The following PTPRD variants were observed in gnomAD, a reference collection of about 807,000 sequenced individuals.
PTPRD encodes receptor-type tyrosine-protein phosphatase delta.
PTPRD carries 34 observed loss-of-function variants against 214.5 expected under a neutral mutation model. The observed-to-expected ratio is 0.16, with a 90% CI of 0.12 to 0.21. The LOEUF (loss-of-function observed/expected upper bound fraction) is 0.21. Among genes scored for constraint, PTPRD ranks in the 10% least tolerant of loss-of-function variants. The probability of loss-of-function intolerance (pLI) is 1.00; values close to 1 mark genes in which losing one functional copy is unlikely to be tolerated. For synonymous variants in PTPRD, 1,128 were observed against 845.7 expected (o/e 1.33, Z -5.79); for missense variants, 2,545 against 2,398.7 (o/e 1.06, Z -1.27).
intron 22 of PTPRD, among the ~76,000 whole-genome samples, chr9:8,505,413 G>A (rs921082841): frequency 6.6e-6 from 1 of 152,078 alleles, no homozygotes; most frequent in South Asian, 2.1e-4. Context: ...ATGAGGTCAG[G>A]AGATCGAGAC....
intron 11 of PTPRD, among the ~76,000 whole-genome samples, chr9:8,785,545 C>A (rs1417981449): frequency 6.6e-6 from 1 of 152,192 alleles, no homozygotes; most frequent in Non-Finnish European, 1.5e-5. Flanking sequence ...TCCTGCCAGC[C>A]CCTCTGCCTC....
chr9:9,612,926 T>G (rs1323761275), intron 7 of PTPRD, among the ~76,000 whole-genome samples: 1 of 151,722 alleles, frequency 6.6e-6, no homozygotes, highest in Non-Finnish European at 1.5e-5. Flanking sequence ...GGTATTTACA[T>G]GGCCAGTTCT....
At chr9:9,902,414 C>T (rs1159759186) in intron 5 of PTPRD, among the ~76,000 whole-genome samples, 2 of 152,036 alleles carry the variant, frequency 1.3e-5, no homozygotes, top group East Asian at 3.9e-4. Context: ...CTTTTTCTGC[C>T]GGTGCTCTAC....
chr9:10,304,055 C>T (rs1231407962), intron 3 of PTPRD, among the ~76,000 whole-genome samples: 2 of 152,166 alleles, frequency 1.3e-5, no homozygotes, highest in Admixed American at 6.5e-5. Context: ...CATCAAAACG[C>T]TCATCCACCA....
chr9:10,353,687 T>C (rs867254879), intron 2 of PTPRD, among the ~76,000 whole-genome samples: 6 of 151,916 alleles, frequency 3.9e-5, no homozygotes, highest in African/African-American at 1.4e-4. Context: ...CCTCACAAAA[T>C]GAGAGCAAGC....
chr9:10,215,145 ATT>A (rs2099535541), intron 3 of PTPRD, among the ~76,000 whole-genome samples: 1 of 152,062 alleles, frequency 6.6e-6, no homozygotes, highest in Non-Finnish European at 1.5e-5. Flanking sequence ...ATCGACAAAA[ATT>A]ATGAAACAGA....
At chr9:9,438,969 G>A (rs2086415070) in intron 8 of PTPRD, among the ~76,000 whole-genome samples, 1 of 152,110 alleles carries the variant, frequency 6.6e-6, no homozygotes, top group African/African-American at 2.4e-5. Flanking sequence ...TGTTAATATG[G>A]AACTAAGTCA....
chr9:8,507,453 T>A lies in PTPRD; in HGVS notation c.1544-19A>T. 1 of 1,613,466 alleles carries A rather than the reference T, an allele frequency of 6.2e-7. No individual in the cohort carries two copies. Among genetic ancestry groups the A allele is most frequent in the Non-Finnish European group, 8.5e-7 (1 of 1,179,528 alleles). ...CCTGGTACTAAAAACAGGGAGGCAA[T>A]GGATTGAACTCACAATCACCAGGAG... On this transcript the variant is annotated intron_variant, in intron 21 of 45. Transcript: ENST00000381196.
intron 3 of PTPRD, among the ~76,000 whole-genome samples, chr9:10,082,640 A>G (rs2098259257): frequency 6.6e-6 from 1 of 151,962 alleles, no homozygotes; most frequent in Non-Finnish European, 1.5e-5. Context: ...CCAAAAAGTA[A>G]CTCAAAAATG....
chr9:9,109,508 G>A (rs572058526), intron 10 of PTPRD, among the ~76,000 whole-genome samples: 124 of 152,212 alleles, frequency 8.1e-4, no homozygotes, highest in African/African-American at 2.5e-3. Flanking sequence ...ATAAGAAAAT[G>A]TACCCAAAGC....
At chr9:8,618,906 GTTTTTTTGTTTTT>G (rs1287148306) in intron 14 of PTPRD, among the ~76,000 whole-genome samples, 10 of 96,776 alleles carry the variant, frequency 1.0e-4, no homozygotes, top group African/African-American at 3.5e-4. Flanking sequence ...GTTTGTCTGT[GTTTTTTTGTTTTT>G]TTTTTTTTTT....
rs10958879 is a variant in PTPRD at position 10,082,840 on chromosome 9, A to C, written c.-544-49050T>G. On this transcript the variant is annotated intron_variant, in intron 3 of 45. Transcript: ENST00000381196. ...ACACACACACACACACACACACACA[A>C]ACACACACACACACACACACACACC... Among the ~76,000 whole-genome samples the C allele has an allele frequency of 8.4e-3, 1,072 of 128,228 alleles. 8 individuals are homozygous for C. Among genetic ancestry groups the C allele is most frequent in the South Asian group, 0.026 (102 of 3,912 alleles). 84.1% of individuals were successfully genotyped at this position (128,228 alleles called of 152,430 possible).
intron 3 of PTPRD, among the ~76,000 whole-genome samples, chr9:10,171,557 C>T (rs916543678): frequency 1.3e-5 from 2 of 152,176 alleles, no homozygotes; most frequent in East Asian, 3.9e-4. Flanking sequence ...CAGACTCTCG[C>T]TCTGTCTCCC....
At chr9:9,664,105 AAAG>A in intron 7 of PTPRD, among the ~76,000 whole-genome samples, 1 of 150,746 alleles carries the variant, frequency 6.6e-6, no homozygotes, top group Non-Finnish European at 1.5e-5. Flanking sequence ...AAAAAAAAAA[AAAG>A]AAGTTATGAC....
chr9:8,946,930 T>TTGTC (rs368206370), intron 11 of PTPRD, among the ~76,000 whole-genome samples: 118 of 151,848 alleles, frequency 7.8e-4, no homozygotes, highest in African/African-American at 2.6e-3. Flanking sequence ...TGTCTCTTTA[T>TTGTC]TGTCTGTCTG....
intron 27 of PTPRD, among the ~76,000 whole-genome samples, chr9:8,488,035 G>T (rs926650224): frequency 6.6e-6 from 1 of 152,028 alleles, no homozygotes; most frequent in Admixed American, 6.6e-5. Context: ...TCAAAATTAT[G>T]AATGTGAAGA....
At chr9:8,871,273 A>G (rs2098294958) in intron 11 of PTPRD, among the ~76,000 whole-genome samples, 2 of 152,176 alleles carry the variant, frequency 1.3e-5, no homozygotes, top group Non-Finnish European at 2.9e-5. Context: ...TACTCTAAAA[A>G]GCTACTTAAT....
chr9:9,204,021 G>A (rs1422450080), intron 9 of PTPRD, among the ~76,000 whole-genome samples: 3 of 152,156 alleles, frequency 2.0e-5, no homozygotes, highest in African/African-American at 4.8e-5. Context: ...TGGGAACACT[G>A]AGAATTTTGC....
chr9:8,999,971 G>C (rs895037523), intron 11 of PTPRD, among the ~76,000 whole-genome samples: 1 of 151,968 alleles, frequency 6.6e-6, no homozygotes, highest in African/African-American at 2.4e-5. Flanking sequence ...ATTCCAATGA[G>C]TTTCATTTCC....
Sources: allele counts gnomAD v4.1 joint callset (sites outside exome capture counted in the v4.1 genomes callset), GRCh38; gene constraint gnomAD v4.1.1; transcripts MANE v1.5; gene names NCBI Gene and HGNC (gene_info 2026-07-23, HGNC 2026-07-21).